The following TRIM71 variants were observed in gnomAD, a reference collection of about 807,000 sequenced individuals.
The protein encoded by TRIM71 is E3 ubiquitin-protein ligase TRIM71.
A neutral mutation model predicts 61.2 loss-of-function variants in TRIM71; 9 were observed. The observed-to-expected ratio is 0.15, with a 90% CI of 0.09 to 0.26. The LOEUF (loss-of-function observed/expected upper bound fraction) is 0.26. TRIM71 is among the 10% of genes least tolerant of loss of function. The pLI is 1.00. For synonymous variants in TRIM71, 645 were observed against 553.2 expected (o/e 1.17, Z -2.33); for missense variants, 998 against 1,238.7 (o/e 0.81, Z 2.92).
intron 1 of TRIM71, among the ~76,000 whole-genome samples, chr3:32,841,101 C>T (rs1401340888): frequency 1.3e-5 from 2 of 151,852 alleles, no homozygotes; most frequent in African/African-American, 2.4e-5. Context: ...AAAAATTAGC[C>T]GGGCGTGGTG....
intron 1 of TRIM71, among the ~76,000 whole-genome samples, chr3:32,841,595 G>A (rs1696406565): frequency 6.6e-6 from 1 of 152,144 alleles, no homozygotes. Context: ...TCCAGCGTGG[G>A]CCACGAGTGA....
chr3:32,857,834 G>T (rs1185168199), intron 1 of TRIM71, among the ~76,000 whole-genome samples: 1 of 152,138 alleles, frequency 6.6e-6, no homozygotes, highest in Non-Finnish European at 1.5e-5. Flanking sequence ...AGCCGGGTGT[G>T]GTAGTGGGTG....
rs748268178 is a variant in TRIM71, at chr3:32,890,547, G to A, written c.1343G>A (p.Arg448Gln). ...LAQVQELKTV[R>Q]SLLQPQEDDR... ...CAGGTGCAGGAGCTGAAGACCGTGCGGAGCCTCCTGCAGCCCCAGGAAGAC... is the reference window on the plus strand; with the variant it reads ...CAGGTGCAGGAGCTGAAGACCGTGCAGAGCCTCCTGCAGCCCCAGGAAGAC... Residue 448 changes from arginine to glutamine, a missense_variant, in exon 4 of 4, where the codon CGG becomes CAG. Physicochemically the swap from Arg to Gln is conservative, Grantham distance 43 (BLOSUM62 1). This residue lies in a region of TRIM71 where 291 missense variants were observed against 431.2 expected (regional missense o/e 0.67). Transcript: ENST00000383763. This position sits in a 1 kb window ranked among gnomAD's most constrained non-coding sequence, Gnocchi z 6.2. 33 of 1,613,860 alleles carry A rather than the reference G, an allele frequency of 2.0e-5. No individual in the cohort carries two copies. The highest frequency in any genetic ancestry group is 1.5e-4 in the African/African-American group (11 of 74,918).
At position 32,818,767 on chromosome 3, in the gene TRIM71, C is replaced by T; in HGVS notation, c.687C>T (p.Arg229=). 6.2e-7 allele frequency: 1 copy of T among 1,606,934 alleles called. No homozygotes were observed. Among genetic ancestry groups the T allele is most frequent in the South Asian group, 1.1e-5 (1 of 90,776 alleles). ...ACAACTGCGTCCGAGCGCACCAGCG[C>T]GTGCGCCTCACCAAGGACCACTACA... ...LCDNCVRAHQ[R]VRLTKDHYIE... is the part of the protein sequence containing the mutation. The change falls in exon 1 of 4, where the codon CGC becomes CGT. Residue 229 remains arginine (R), a synonymous_variant. Coordinates refer to ENST00000383763, the MANE Select transcript of TRIM71 (RefSeq NM_001039111.3).
At position 32,874,320 on chromosome 3, in the gene TRIM71, C is replaced by CTTATTA. The variant is rs542065771; in HGVS notation, c.1020+336_1020+341dup. Among the ~76,000 whole-genome samples the CTTATTA allele has an allele frequency of 0.014, 1,812 of 133,820 alleles. 80 individuals carry two copies. In the East Asian group the frequency reaches 0.19, roughly 14 times the overall value. 87.8% of individuals were successfully genotyped at this position (133,820 alleles called of 152,430 possible). A position where few individuals can be genotyped will look rare whatever the true frequency, so the allele number is the denominator to read the frequency against. ...CTGCAGAAAGGCTGGGTGCTTAATG[C>CTTATTA]TTATTACTACTACTACTACTACTAC... On this transcript the variant is annotated intron_variant, in intron 2 of 3. Coordinates refer to ENST00000383763, the MANE Select transcript of TRIM71 (RefSeq NM_001039111.3).
rs1276966517 is a variant in TRIM71, at chr3:32,852,012, A to G, written c.853-21806A>G. On this transcript the variant is annotated intron_variant, in intron 1 of 3. Transcript: ENST00000383763. ...ACTTCCCACTTGGGAACAACTATTCAGGAGAGAGAAGTACCCAAAACCCTC... is the reference window on the plus strand; with the variant it reads ...ACTTCCCACTTGGGAACAACTATTCGGGAGAGAGAAGTACCCAAAACCCTC... Among the ~76,000 whole-genome samples, 3 of 152,336 alleles carry G rather than the reference A, an allele frequency of 2.0e-5. No homozygotes were observed. The East Asian group carries it at 5.8e-4, about 29-fold the overall frequency.
chr3:32,889,389 C>T (rs1424379359), intron 3 of TRIM71, among the ~76,000 whole-genome samples: 1 of 151,960 alleles, frequency 6.6e-6, no homozygotes, highest in African/African-American at 2.4e-5. Flanking sequence ...GTGATTCTTC[C>T]ACCTCAGCTT....
chr3:32,844,481 C>T (rs1055402053), intron 1 of TRIM71, among the ~76,000 whole-genome samples: 21 of 152,296 alleles, frequency 1.4e-4, no homozygotes, highest in African/African-American at 4.6e-4. Context: ...ACCGGAGCCT[C>T]GGCCTCCCAG....
chr3:32,889,531 G>T (rs1431618923), intron 3 of TRIM71, among the ~76,000 whole-genome samples: 1 of 149,652 alleles, frequency 6.7e-6, no homozygotes, highest in East Asian at 1.9e-4. Flanking sequence ...TCCTTCTCCA[G>T]ATTTACTGAT....
rs1235098564 is a variant in TRIM71, at chr3:32,890,245, T to G, written c.1156-115T>G. On this transcript the variant is annotated intron_variant, in intron 3 of 3. Transcript: ENST00000383763. The surrounding 1 kb of genome is among the most constrained non-coding windows in gnomAD (Gnocchi z 6.2). ...AAAGACAGATGTCTTTTGTAGACCA[T>G]CCCACAATATGTGTTTGTCTGATGC... The G allele has an allele frequency of 7.3e-7, 1 of 1,376,888 alleles. No individual in the cohort carries two copies. Among genetic ancestry groups the G allele is most frequent in the African/African-American group, 1.5e-5 (1 of 68,954 alleles). The allele number at this position is 1,376,888 out of a possible 1,614,324, so 85.3% of individuals were successfully genotyped here.
chr3:32,876,553 C>T (rs751642936), intron 2 of TRIM71, among the ~76,000 whole-genome samples: 1 of 152,186 alleles, frequency 6.6e-6, no homozygotes, highest in Non-Finnish European at 1.5e-5. Context: ...CACTGCACTC[C>T]AGCCTGGACG....
intron 1 of TRIM71, among the ~76,000 whole-genome samples, chr3:32,868,673 G>A (rs1696765221): frequency 6.9e-6 from 1 of 145,854 alleles, no homozygotes; most frequent in African/African-American, 2.5e-5. Flanking sequence ...AGACAATTGA[G>A]TGAGACATTA....
chr3:32,838,302 G>A (rs560434152), intron 1 of TRIM71, among the ~76,000 whole-genome samples: 9 of 152,098 alleles, frequency 5.9e-5, no homozygotes, highest in East Asian at 3.9e-4. Context: ...CCGGTTCACC[G>A]CAACCTCCTC....
At chr3:32,879,765 G>A (rs1289043705) in intron 2 of TRIM71, among the ~76,000 whole-genome samples, 1 of 151,500 alleles carries the variant, frequency 6.6e-6, no homozygotes, top group Non-Finnish European at 1.5e-5. Flanking sequence ...TTGAGCTCAG[G>A]AATTCTATAC....
intron 1 of TRIM71, among the ~76,000 whole-genome samples, chr3:32,834,854 A>G (rs1696316438): frequency 6.6e-6 from 1 of 152,094 alleles, no homozygotes; most frequent in Non-Finnish European, 1.5e-5. Context: ...AAAAAAGGGG[A>G]TGGTGTTCAC....
intron 1 of TRIM71, among the ~76,000 whole-genome samples, chr3:32,867,039 A>G (rs1696745509): frequency 6.6e-6 from 1 of 152,190 alleles, no homozygotes; most frequent in African/African-American, 2.4e-5. Context: ...ATGCAGAGAT[A>G]ACGGCATCCC....
In TRIM71 at chr3:32,870,005, C is replaced by T. The variant is rs141692315; in HGVS notation, c.853-3813C>T. ...CGGGAGCCGCTGTTCATGGCTACTACCACATTTCTGGCTATAGGACCCTCC... is the reference window on the plus strand; with the variant it reads ...CGGGAGCCGCTGTTCATGGCTACTATCACATTTCTGGCTATAGGACCCTCC... On this transcript the variant is annotated intron_variant, in intron 1 of 3. Coordinates refer to ENST00000383763, the MANE Select transcript of TRIM71 (RefSeq NM_001039111.3). Among the ~76,000 whole-genome samples the T allele has an allele frequency of 3.3e-5, 5 of 152,364 alleles. No homozygotes were observed. In the East Asian group the frequency reaches 9.6e-4, roughly 29 times the overall value.
intron 2 of TRIM71, among the ~76,000 whole-genome samples, chr3:32,882,281 T>G (rs1696918265): frequency 6.6e-6 from 1 of 152,172 alleles, no homozygotes; most frequent in Admixed American, 6.5e-5. Context: ...CCACCTCTGC[T>G]TTCTATTGAG....
intron 1 of TRIM71, 106 bp from the exon 2 acceptor site, chr3:32,873,712 G>T: frequency 9.1e-7 from 1 of 1,098,510 alleles, no homozygotes; most frequent in Non-Finnish European, 1.3e-6. Context: ...TGCTCATTGG[G>T]GAAGCTGGTC....
Sources: allele counts gnomAD v4.1 joint callset (sites outside exome capture counted in the v4.1 genomes callset), GRCh38; gene constraint gnomAD v4.1.1; regional missense constraint gnomAD v4.1.1; non-coding constraint Gnocchi (gnomAD v3.1); transcripts MANE v1.5; gene names NCBI Gene and HGNC (gene_info 2026-07-23, HGNC 2026-07-21).